The following RAB3C variants were observed in gnomAD, a reference collection of about 807,000 sequenced individuals.
The protein encoded by RAB3C is ras-related protein Rab-3C.
A neutral mutation model predicts 26.4 loss-of-function variants in RAB3C; 17 were observed. The ratio of observed to expected loss-of-function variants is 0.64; its 90% CI spans 0.44 to 0.97. RAB3C has a LOEUF of 0.97. Ranked by LOEUF, RAB3C falls within the 50% of genes least tolerant of loss-of-function variation. RAB3C has a pLI of 0.00. For synonymous variants in RAB3C, 91 were observed against 95.9 expected (o/e 0.95, Z 0.30); for missense variants, 242 against 281.9 (o/e 0.86, Z 1.01).
chr5:58,682,696 G>GA (rs548127913), intron 2 of RAB3C, among the ~76,000 whole-genome samples: 3,297 of 73,782 alleles, frequency 0.045, 96 homozygotes, highest in African/African-American at 0.11. Context: ...AAAGAAAAAA[G>GA]AAAAAAAAAA....
chr5:58,789,328 C>G (rs1266112111), intron 3 of RAB3C, among the ~76,000 whole-genome samples: 1 of 152,112 alleles, frequency 6.6e-6, no homozygotes, highest in African/African-American at 2.4e-5. Flanking sequence ...TATATCTACT[C>G]AGGCATGGCT....
chr5:58,768,797 G>C (rs1160001510), intron 3 of RAB3C, among the ~76,000 whole-genome samples: 5 of 152,102 alleles, frequency 3.3e-5, no homozygotes, highest in African/African-American at 1.2e-4. Flanking sequence ...ACCAGGGCTA[G>C]ATCATGGGGT....
chr5:58,845,612 A>ATATGTGTG, intron 4 of RAB3C, among the ~76,000 whole-genome samples: 3 of 81,726 alleles, frequency 3.7e-5, no homozygotes, highest in African/African-American at 1.7e-4. Context: ...ATATATATAT[A>ATATGTGTG]TGTGTGTGTG....
chr5:58,703,293 C>A lies in RAB3C; in HGVS notation c.253-22709C>A, dbSNP rs1220025776. Among the ~76,000 whole-genome samples the A allele has an allele frequency of 3.3e-5, 5 of 152,214 alleles. No individual in the cohort carries two copies. In the East Asian group the frequency reaches 9.7e-4, roughly 29 times the overall value. On this transcript the variant is annotated intron_variant, in intron 2 of 4. Coordinates refer to ENST00000282878, the MANE Select transcript of RAB3C (RefSeq NM_138453.4). ...TGCCTCCTGGATTCAAGCGATTTTC[C>A]TGCTTCAGCCTCGCAAGTAGCTGGG...
At position 58,725,912 on chromosome 5, in the gene RAB3C, C is replaced by T. The variant is rs1186160633; in HGVS notation, c.253-90C>T. ...ATACACAACAAGTACATTTTAGACT[C>T]TATTGTGACTCTTTTTGGAATTATT... On this transcript the variant is annotated intron_variant, in intron 2 of 4. Coordinates refer to ENST00000282878, the MANE Select transcript of RAB3C (RefSeq NM_138453.4). 1.2e-5 allele frequency: 9 copies of T among 726,190 alleles called. No homozygotes were observed. In the African/African-American group the frequency reaches 1.4e-4, roughly 12 times the overall value. The allele number at this position is 726,190 out of a possible 1,614,324, so 45.0% of individuals were successfully genotyped here. A position where few individuals can be genotyped will look rare whatever the true frequency, so the allele number is the denominator to read the frequency against.
At chr5:58,706,360 G>T (rs1748943391) in intron 2 of RAB3C, among the ~76,000 whole-genome samples, 1 of 152,036 alleles carries the variant, frequency 6.6e-6, no homozygotes, top group African/African-American at 2.4e-5. Context: ...GAAATAAGTG[G>T]CTAGTCTCCC....
intron 1 of RAB3C, among the ~76,000 whole-genome samples, chr5:58,606,938 T>TA (rs1746586727): frequency 6.6e-6 from 1 of 152,078 alleles, no homozygotes; most frequent in Admixed American, 6.5e-5. Context: ...CAAAGGTAGA[T>TA]AAAACCACAG....
At chr5:58,660,350 G>GTATAAA (rs1747875885) in intron 2 of RAB3C, among the ~76,000 whole-genome samples, 2 of 149,882 alleles carry the variant, frequency 1.3e-5, no homozygotes, top group Non-Finnish European at 1.5e-5. Flanking sequence ...TTACTATGTG[G>GTATAAA]TATAAACTTC....
intron 3 of RAB3C, among the ~76,000 whole-genome samples, chr5:58,735,675 T>C (rs1165454836): frequency 6.6e-6 from 1 of 152,178 alleles, no homozygotes; most frequent in Admixed American, 6.5e-5. Flanking sequence ...GCTTGTTGAA[T>C]GCATTCTTCT....
chr5:58,823,000 G>T, intron 3 of RAB3C: 1 of 614,104 alleles, frequency 1.6e-6, no homozygotes, highest in Non-Finnish European at 3.1e-6. Flanking sequence ...GGGCCTTGAA[G>T]GGAGCTGTTG....
At chr5:58,724,229 G>C (rs768393009) in intron 2 of RAB3C, among the ~76,000 whole-genome samples, 27 of 151,432 alleles carry the variant, frequency 1.8e-4, no homozygotes, top group Non-Finnish European at 3.1e-4. Flanking sequence ...TGCTCTCTGT[G>C]GGAAGCACTT....
intron 3 of RAB3C, among the ~76,000 whole-genome samples, chr5:58,795,872 G>A (rs976502704): frequency 5.9e-5 from 9 of 151,904 alleles, no homozygotes; most frequent in African/African-American, 2.2e-4. Context: ...AAAAAAGGCA[G>A]TGGCTGTGTA....
In RAB3C at chr5:58,617,879, C is replaced by T; in HGVS notation, c.252+9C>T. ...TCAAGCTTCAGATTTGGGTAAGTGG[C>T]TTTGAACTGGCAGTGTTCTTCAGGC... On this transcript the variant is annotated intron_variant, in intron 2 of 4. Transcript: ENST00000282878. The T allele has an allele frequency of 6.4e-7, 1 of 1,555,778 alleles. No homozygotes were observed.
chr5:58,809,385 GA>G (rs34954956), intron 3 of RAB3C, among the ~76,000 whole-genome samples: 58,177 of 115,116 alleles, frequency 0.51, 11,771 homozygotes, highest in Middle Eastern at 0.64. Flanking sequence ...CTTTTTCTCA[GA>G]AAAAAAAAAA....
At chr5:58,693,347 T>TATATATATATATAC (rs1748617601) in intron 2 of RAB3C, among the ~76,000 whole-genome samples, 1 of 137,852 alleles carries the variant, frequency 7.3e-6, no homozygotes, top group African/African-American at 3.0e-5. Context: ...TATATATATA[T>TATATATATATATAC]ATATATATAT....
At chr5:58,638,210 T>C (rs545332055) in intron 2 of RAB3C, among the ~76,000 whole-genome samples, 92 of 152,262 alleles carry the variant, frequency 6.0e-4, no homozygotes, top group African/African-American at 2.2e-3. Flanking sequence ...TCATAATTAT[T>C]CTTTTGATTG....
chr5:58,756,346 G>GTTATATATATATATAACATATATATT (rs1741658665), intron 3 of RAB3C, among the ~76,000 whole-genome samples: 2 of 128,098 alleles, frequency 1.6e-5, no homozygotes, highest in Admixed American at 7.8e-5. Context: ...ACATATATAT[G>GTTATATATATATATAACATATATATT]TTATATATAT....
chr5:58,607,288 C>T (rs180845794), intron 1 of RAB3C, among the ~76,000 whole-genome samples: 7 of 151,832 alleles, frequency 4.6e-5, no homozygotes, highest in East Asian at 3.9e-4. Flanking sequence ...ATAGCCAATT[C>T]GATCAAGTGG....
chr5:58,588,664 C>G (rs112794273), intron 1 of RAB3C, among the ~76,000 whole-genome samples: 45 of 152,086 alleles, frequency 3.0e-4, no homozygotes, highest in African/African-American at 1.1e-3. Flanking sequence ...CATTCATATT[C>G]TAAATAGTGC....
Sources: gnomAD v4.1 joint callset for allele counts (sites outside exome capture counted in the v4.1 genomes callset) on GRCh38, gnomAD v4.1.1 for gene constraint, MANE v1.5 for transcripts, NCBI Gene and HGNC (gene_info 2026-07-23, HGNC 2026-07-21) for gene names.